Variants in ARHGAP22 observed in about 807,000 individuals in gnomAD.
The protein encoded by ARHGAP22 is rho GTPase-activating protein 22.
Under a neutral mutation model 59.1 loss-of-function variants are expected in ARHGAP22, and 48 were observed. The ratio of observed to expected loss-of-function variants is 0.81; its 90% confidence interval spans 0.64 to 1.03. The LOEUF is 1.03. Among genes scored for constraint, ARHGAP22 ranks in the 50% least tolerant of loss-of-function variants. ARHGAP22 has a pLI of 0.00. For missense variants in ARHGAP22, 1,015 were observed against 958.7 expected, an observed-to-expected ratio of 1.06 and a Z score of -0.78; for synonymous variants, 445 against 416.4, an observed-to-expected ratio of 1.07 and a Z score of -0.84.
intron 1 of ARHGAP22, among the ~76,000 whole-genome samples, chr10:48,600,861 T>A (rs1014347298): frequency 1.3e-5 from 2 of 152,190 alleles, no homozygotes; most frequent in African/African-American, 2.4e-5. Context: ...GGCCTGGAAG[T>A]AGAGACTGCT....
chr10:48,444,834 C>T (rs1206717984), downstream of ARHGAP22: 1 of 152,232 alleles, frequency 6.6e-6, no homozygotes, highest in East Asian at 1.9e-4. Context: ...GACTCAAAGT[C>T]ACCTCCTATT....
chr10:48,459,957 T>G (rs575518268), intron 4 of ARHGAP22, 66 bp from the exon 5 acceptor site: 1 of 1,501,776 alleles, frequency 6.7e-7, no homozygotes, highest in South Asian at 1.2e-5. Context: ...CTCAGGACAA[T>G]GGAGGGCAGG....
chr10:48,606,415 CA>C (rs1477737602), upstream of ARHGAP22, among the ~76,000 whole-genome samples: 1 of 152,092 alleles, frequency 6.6e-6, no homozygotes, highest in Admixed American at 6.5e-5. Context: ...TCCATGGACA[CA>C]AAGCTGTCTT....
chr10:48,637,516 G>A (rs1348044086), intron 1 of ARHGAP22, among the ~76,000 whole-genome samples: 1 of 151,894 alleles, frequency 6.6e-6, no homozygotes, highest in African/African-American at 2.4e-5. Flanking sequence ...GAAATGAGTG[G>A]ATGAATGACT....
chr10:48,463,099 A>T (rs2047310501), intron 4 of ARHGAP22, among the ~76,000 whole-genome samples: 2 of 152,348 alleles, frequency 1.3e-5, no homozygotes, highest in South Asian at 4.1e-4. Flanking sequence ...AGCTTCTCTT[A>T]AAAAATCCAG....
chr10:48,552,162 C>T (rs1299651822), intron 3 of ARHGAP22, among the ~76,000 whole-genome samples: 1 of 152,268 alleles, frequency 6.6e-6, no homozygotes, highest in Non-Finnish European at 1.5e-5. Flanking sequence ...TAGGCATGAC[C>T]TTCCTTGGAA....
At chr10:48,629,394 C>T (rs2061555433) in intron 1 of ARHGAP22, among the ~76,000 whole-genome samples, 1 of 152,190 alleles carries the variant, frequency 6.6e-6, no homozygotes, top group African/African-American at 2.4e-5. Context: ...CTGTTTTCTT[C>T]TAGAAACTTC....
chr10:48,585,041 C>T (rs1278440565), intron 1 of ARHGAP22, among the ~76,000 whole-genome samples: 2 of 150,772 alleles, frequency 1.3e-5, no homozygotes, highest in Non-Finnish European at 2.9e-5. Flanking sequence ...TCTGAGGACA[C>T]ATTATAGCTT....
chr10:48,539,290 CATTTTT>C, intron 3 of ARHGAP22, among the ~76,000 whole-genome samples: 1 of 129,336 alleles, frequency 7.7e-6, no homozygotes, highest in South Asian at 2.7e-4. Context: ...AGAAGGGTAA[CATTTTT>C]TTTTTTTTTT....
intron 2 of ARHGAP22, among the ~76,000 whole-genome samples, chr10:48,563,632 C>T (rs1488743500): frequency 6.6e-6 from 1 of 152,132 alleles, no homozygotes; most frequent in Non-Finnish European, 1.5e-5. Context: ...AGCCATTATT[C>T]TACCTTATAC....
intron 1 of ARHGAP22, among the ~76,000 whole-genome samples, chr10:48,591,488 A>G (rs895211926): frequency 1.3e-5 from 2 of 152,190 alleles, no homozygotes; most frequent in African/African-American, 2.4e-5. Context: ...ACCAGCATGT[A>G]TGGGTATGCT....
At chr10:48,589,174 A>G (rs903913333) in intron 1 of ARHGAP22, among the ~76,000 whole-genome samples, 2 of 152,104 alleles carry the variant, frequency 1.3e-5, no homozygotes, top group Non-Finnish European at 2.9e-5. Flanking sequence ...TATTGCTCTG[A>G]CCAAATCCAA....
At chr10:48,622,285 T>A (rs2061311308) in intron 1 of ARHGAP22, among the ~76,000 whole-genome samples, 1 of 152,252 alleles carries the variant, frequency 6.6e-6, no homozygotes, top group Non-Finnish European at 1.5e-5. Flanking sequence ...GACCTTTTTT[T>A]CTTTTACTGT....
At chr10:48,431,297 G>A in the ARHGAP22 span, 2 of 1,501,402 alleles carry the variant, frequency 1.3e-6, no homozygotes, top group Non-Finnish European at 1.8e-6. Context: ...GCTTGGTTAA[G>A]ATTACAGTTT....
chr10:48,451,137 G>A lies in ARHGAP22; in HGVS notation c.992C>T (p.Thr331Ile). 1.3e-6 allele frequency: 2 copies of A among 1,551,852 alleles called. No individual in the cohort carries two copies. Among genetic ancestry groups the A allele is most frequent in the Non-Finnish European group, 1.7e-6 (2 of 1,147,582 alleles). Residue 331 changes from threonine to isoleucine, a missense_variant, in exon 9 of 10, where the codon ACT (threonine) becomes ATT (isoleucine). Physicochemically the swap from Thr to Ile is moderately conservative, Grantham distance 89. Transcript: ENST00000249601. Reference protein sequence around the residue: ...VEDPVTIMEGTSLVQHLMTVL... With the variant: ...VEDPVTIMEGISLVQHLMTVL... ...GGTCATCAGGTGCTGGACGAGGGAA[G>A]TGCCTGCCGGGAAGAGAGGCGGAGA...
At chr10:48,534,790 G>A (rs1282886698) in intron 3 of ARHGAP22, among the ~76,000 whole-genome samples, 1 of 152,184 alleles carries the variant, frequency 6.6e-6, no homozygotes, top group Non-Finnish European at 1.5e-5. Context: ...TCTGCCTCCA[G>A]GGTGATCCTT....
intron 3 of ARHGAP22, among the ~76,000 whole-genome samples, chr10:48,540,036 T>C (rs2055778142): frequency 1.3e-5 from 2 of 152,198 alleles, no homozygotes; most frequent in Non-Finnish European, 2.9e-5. Context: ...GGACCTCAGA[T>C]CTGGGGAGAG....
At chr10:48,588,987 A>C (rs1295045624) in intron 1 of ARHGAP22, among the ~76,000 whole-genome samples, 1 of 152,142 alleles carries the variant, frequency 6.6e-6, no homozygotes, top group Non-Finnish European at 1.5e-5. Flanking sequence ...TGGGAGGAAG[A>C]AGCTAGCCTG....
At chr10:48,576,366 C>T (rs2058711540) in intron 2 of ARHGAP22, among the ~76,000 whole-genome samples, 1 of 152,228 alleles carries the variant, frequency 6.6e-6, no homozygotes, top group African/African-American at 2.4e-5. Context: ...ACCTCTAGCA[C>T]TGTGGCCCTG....
Sources: allele counts gnomAD v4.1 joint callset (sites outside exome capture counted in the v4.1 genomes callset), GRCh38; gene constraint gnomAD v4.1.1; transcripts MANE v1.5; gene names NCBI Gene and HGNC (gene_info 2026-07-23, HGNC 2026-07-21).